B3GALT1: variants seen among roughly 807,000 people sequenced by gnomAD.
The protein encoded by B3GALT1 is beta-1,3-galactosyltransferase 1, also known as UDP-Gal:betaGlcNAc beta 1,3-galactosyltransferase, polypeptide 1.
A neutral mutation model predicts 23.2 loss-of-function variants in B3GALT1; 10 were observed. That is an observed-to-expected ratio of 0.43 (90% confidence interval 0.27 to 0.73). B3GALT1 has a LOEUF of 0.73. Ranked by LOEUF, B3GALT1 falls within the 30% of genes least tolerant of loss-of-function variation. B3GALT1 has a pLI of 0.21. For missense variants in B3GALT1, 299 were observed against 405.4 expected (o/e 0.74, Z 2.25); for synonymous variants, 156 against 141.5 (o/e 1.10, Z -0.73).
At chr2:167,764,313 C>A (rs778551807) in intron 3 of B3GALT1, among the ~76,000 whole-genome samples, 6 of 152,124 alleles carry the variant, frequency 3.9e-5, no homozygotes, top group Non-Finnish European at 7.4e-5. Flanking sequence ...CTCATTTTTT[C>A]TCTTTCAATT....
chr2:167,513,095 G>T (rs1253766471), intron 2 of B3GALT1, among the ~76,000 whole-genome samples: 2 of 141,652 alleles, frequency 1.4e-5, no homozygotes, highest in Non-Finnish European at 1.5e-5. Context: ...AAAAAAAGTG[G>T]AATCACTCAA....
At chr2:167,542,068 A>C (rs192159611) in intron 2 of B3GALT1, among the ~76,000 whole-genome samples, 1 of 152,084 alleles carries the variant, frequency 6.6e-6, no homozygotes, top group South Asian at 2.1e-4. Context: ...TTTATTTATT[A>C]CATGTGTAAA....
intron 1 of B3GALT1, among the ~76,000 whole-genome samples, chr2:167,352,726 GAAAA>G (rs1337649637): frequency 0.011 from 530 of 46,834 alleles, 5 homozygotes; most frequent in African/African-American, 0.023. Flanking sequence ...ATCTCAAAAA[GAAAA>G]AAAAACAAAC....
At chr2:167,841,456 G>T (rs888092561) in intron 4 of B3GALT1, among the ~76,000 whole-genome samples, 1 of 152,076 alleles carries the variant, frequency 6.6e-6, no homozygotes, top group African/African-American at 2.4e-5. Flanking sequence ...AAAGACAATG[G>T]GATTAAACCT....
intron 1 of B3GALT1, among the ~76,000 whole-genome samples, chr2:167,378,354 T>A (rs1218293285): frequency 6.6e-6 from 1 of 152,170 alleles, no homozygotes; most frequent in Non-Finnish European, 1.5e-5. Flanking sequence ...ATTTCTTGTA[T>A]CTGGATGTCA....
chr2:167,326,076 C>A (rs1696887795), intron 1 of B3GALT1, among the ~76,000 whole-genome samples: 1 of 100,520 alleles, frequency 9.9e-6, no homozygotes. Flanking sequence ...TATACATGCT[C>A]ACCAATATCT....
At chr2:167,521,964 A>G (rs896905668) in intron 2 of B3GALT1, among the ~76,000 whole-genome samples, 8 of 114,482 alleles carry the variant, frequency 7.0e-5, no homozygotes, top group African/African-American at 2.7e-4. Context: ...CATTACCAAC[A>G]TATATGTGTG....
At position 167,505,332 on chromosome 2, in the gene B3GALT1, GAAC is replaced by G. The variant is rs1559116381; in HGVS notation, c.-410+15058_-410+15060del. ...TTTTTAAATAGAAATAAAAGGGGAGGAACAAAAGAAAGGAGTATTTTTAAGTGT... is the reference window on the plus strand; with the variant it reads ...TTTTTAAATAGAAATAAAAGGGGAGGAAAAGAAAGGAGTATTTTTAAGTGT... On this transcript the variant is annotated intron_variant, in intron 2 of 4. Transcript: ENST00000392690. Among the ~76,000 whole-genome samples the G allele has an allele frequency of 2.0e-5, 3 of 152,074 alleles. No individual in the cohort carries two copies. In the East Asian group the frequency reaches 5.8e-4, roughly 29 times the overall value.
intron 1 of B3GALT1, among the ~76,000 whole-genome samples, chr2:167,389,132 A>C (rs1398569711): frequency 6.6e-6 from 1 of 152,194 alleles, no homozygotes; most frequent in African/African-American, 2.4e-5. Context: ...ACAACTTGTC[A>C]TAGACTAAAT....
At chr2:167,465,629 C>G (rs1307427263) in intron 1 of B3GALT1, among the ~76,000 whole-genome samples, 1 of 152,160 alleles carries the variant, frequency 6.6e-6, no homozygotes, top group Non-Finnish European at 1.5e-5. Context: ...TCTATTAATA[C>G]TATTACATTA....
intron 3 of B3GALT1, among the ~76,000 whole-genome samples, chr2:167,674,889 AT>A (rs755879512): frequency 4.6e-5 from 7 of 152,154 alleles, no homozygotes; most frequent in Non-Finnish European, 1.0e-4. Context: ...TTTTTAAAAT[AT>A]TTTTTCTTCA....
chr2:167,847,091 T>G (rs1329991675), intron 4 of B3GALT1, among the ~76,000 whole-genome samples: 1 of 152,112 alleles, frequency 6.6e-6, no homozygotes, highest in African/African-American at 2.4e-5. Context: ...TTACTGGAGC[T>G]CCCAGATTTA....
intron 3 of B3GALT1, among the ~76,000 whole-genome samples, chr2:167,693,070 A>C (rs1215680053): frequency 5.9e-5 from 9 of 151,988 alleles, no homozygotes; most frequent in Admixed American, 2.6e-4. Flanking sequence ...TCGTGATTGA[A>C]TCTTCTGGGG....
At chr2:167,690,202 G>T (rs918205360) in intron 3 of B3GALT1, among the ~76,000 whole-genome samples, 9 of 151,568 alleles carry the variant, frequency 5.9e-5, no homozygotes, top group South Asian at 2.1e-4. Context: ...GAAAATTTAT[G>T]ATTTAAAAAA....
intron 2 of B3GALT1, among the ~76,000 whole-genome samples, chr2:167,539,503 A>G (rs547147971): frequency 5.7e-4 from 87 of 152,286 alleles, no homozygotes; most frequent in South Asian, 8.3e-4. Flanking sequence ...ACAGAGTGAT[A>G]TCTATTTTGA....
intron 3 of B3GALT1, among the ~76,000 whole-genome samples, chr2:167,736,710 T>A (rs1687497385): frequency 6.6e-6 from 1 of 152,090 alleles, no homozygotes; most frequent in African/African-American, 2.4e-5. Context: ...GAGACCAACC[T>A]GGCCAACATG....
intron 1 of B3GALT1, among the ~76,000 whole-genome samples, chr2:167,400,648 T>C (rs1242367797): frequency 6.6e-6 from 1 of 152,134 alleles, no homozygotes; most frequent in Non-Finnish European, 1.5e-5. Context: ...CAATTCTGTT[T>C]TATTCACTGT....
At chr2:167,523,822 T>C (rs2105363380) in intron 2 of B3GALT1, among the ~76,000 whole-genome samples, 1 of 152,298 alleles carries the variant, frequency 6.6e-6, no homozygotes, top group East Asian at 1.9e-4. Context: ...AATATAGTGA[T>C]ATCACAAAGA....
chr2:167,313,031 T>A (rs892272238), intron 1 of B3GALT1, among the ~76,000 whole-genome samples: 1 of 152,152 alleles, frequency 6.6e-6, no homozygotes, highest in African/African-American at 2.4e-5. Context: ...ATCTGGAATT[T>A]ATTTTTCCCT....
Sources: gnomAD v4.1 joint callset for allele counts (sites outside exome capture counted in the v4.1 genomes callset) on GRCh38, gnomAD v4.1.1 for gene constraint, MANE v1.5 for transcripts, NCBI Gene and HGNC (gene_info 2026-07-23, HGNC 2026-07-21) for gene names.